PLAC1: variants seen among roughly 807,000 people sequenced by gnomAD.
PLAC1 encodes the protein placenta-specific protein 1.
For synonymous variants in PLAC1, 68 were observed against 62.1 expected (o/e 1.09, Z -0.44); for missense variants, 136 against 163.2 (o/e 0.83, Z 0.91).
chrX:134,587,020 T>C (rs553402817), intron 2 of PLAC1, among the ~76,000 whole-genome samples: 1 of 110,734 alleles, frequency 9.0e-6, no homozygotes, highest in African/African-American at 3.3e-5. Context: ...TATGGAGTAC[T>C]AACAACATGC....
At position 134,697,937 on chromosome X, in the gene PLAC1, A is replaced by G. The variant is rs934666399; in HGVS notation, n.174+35498T>C. Among the ~76,000 whole-genome samples the G allele has an allele frequency of 3.6e-5, 4 of 111,882 alleles. No homozygotes were observed. In the Admixed American group the frequency reaches 3.8e-4, roughly 11 times the overall value. On this transcript the variant is annotated intron_variant and non_coding_transcript_variant, in intron 2 of 2. Transcript: ENST00000466797. ...TTTACATACATGCTCTGACACATAC[A>G]CACATATAATTTTACACTGATGTCT...
At chrX:134,662,319 C>T (rs974025881), upstream of PLAC1, among the ~76,000 whole-genome samples, 31 of 112,329 alleles carry the variant, frequency 2.8e-4, no homozygotes, top group African/African-American at 8.8e-4. Flanking sequence ...TTGCTATTAT[C>T]CATGCTCTTG....
chrX:134,579,420 T>G lies in PLAC1; in HGVS notation c.-58-12680A>C, dbSNP rs552010164. On this transcript the variant is annotated intron_variant, in intron 2 of 2. Transcript: ENST00000359237. Reference sequence around the variant, plus strand: ...TAATCACCATGAAAGAAAAGGAAAGTCCTGAGGTGGCTTGGCTTCCGGACT... The same window carrying G: ...TAATCACCATGAAAGAAAAGGAAAGGCCTGAGGTGGCTTGGCTTCCGGACT... Among the ~76,000 whole-genome samples the G allele has an allele frequency of 1.9e-4, 21 of 111,703 alleles. No individual in the cohort carries two copies. In the South Asian group the frequency reaches 7.9e-3, roughly 42 times the overall value.
At chrX:134,567,390 G>C (rs2077882224) in intron 2 of PLAC1, among the ~76,000 whole-genome samples, 1 of 112,013 alleles carries the variant, frequency 8.9e-6, no homozygotes, top group African/African-American at 3.2e-5. Flanking sequence ...TACTAAAATT[G>C]TGGAAACATA....
At chrX:134,653,841 T>C (rs1030508843) in intron 1 of PLAC1, among the ~76,000 whole-genome samples, 1 of 112,212 alleles carries the variant, frequency 8.9e-6, no homozygotes, top group Non-Finnish European at 1.9e-5. Flanking sequence ...CTGTGTAGGA[T>C]TTAGCTGCAA....
At chrX:134,670,793 T>C (rs1175677160) in intron 2 of PLAC1, among the ~76,000 whole-genome samples, 2 of 112,266 alleles carry the variant, frequency 1.8e-5, no homozygotes, top group Non-Finnish European at 3.8e-5. Flanking sequence ...TTGCCAATCA[T>C]GACCCATTGC....
intron 1 of PLAC1, among the ~76,000 whole-genome samples, chrX:134,762,821 C>CAAAAAATAAAAAAAAA (rs2078773175): frequency 6.7e-5 from 1 of 14,823 alleles, no homozygotes; most frequent in African/African-American, 1.4e-4. Context: ...GGCTCTATCT[C>CAAAAAATAAAAAAAAA]AAAAAAAAAA....
intron 1 of PLAC1, among the ~76,000 whole-genome samples, chrX:134,633,326 AC>A (rs1242931954): frequency 8.9e-6 from 1 of 112,069 alleles, no homozygotes; most frequent in Non-Finnish European, 1.9e-5. Flanking sequence ...AATTGCTGAT[AC>A]ATTTCGGTCA....
rs777232213 is a variant in PLAC1, at chrX:134,754,934, A to T, written n.89+9300T>A. On this transcript the variant is annotated intron_variant and non_coding_transcript_variant, in intron 1 of 2. Transcript: ENST00000466797. ...TAAATGTTGGAATGACTTTAACAATAAATTATTTTTCAGTTTTCTTATTTT... is the reference window on the plus strand; with the variant it reads ...TAAATGTTGGAATGACTTTAACAATTAATTATTTTTCAGTTTTCTTATTTT... Among the ~76,000 whole-genome samples, 5 of 110,800 alleles carry T rather than the reference A, an allele frequency of 4.5e-5. No homozygotes were observed. The East Asian group carries it at 1.4e-3, about 31-fold the overall frequency.
intron 1 of PLAC1, among the ~76,000 whole-genome samples, chrX:134,603,342 T>C (rs1482832199): frequency 4.4e-5 from 2 of 45,917 alleles, no homozygotes; most frequent in African/African-American, 1.7e-4. Flanking sequence ...TTTTTTTTTT[T>C]TTTTTTCTTT....
At chrX:134,688,812 G>A (rs2078527103) in intron 2 of PLAC1, among the ~76,000 whole-genome samples, 2 of 111,628 alleles carry the variant, frequency 1.8e-5, no homozygotes, top group African/African-American at 3.3e-5. Flanking sequence ...AGAGTTTAAC[G>A]GCCTCTTTCC....
intron 2 of PLAC1, among the ~76,000 whole-genome samples, chrX:134,570,084 C>T (rs984625352): frequency 2.7e-5 from 3 of 111,751 alleles, no homozygotes; most frequent in African/African-American, 9.8e-5. Flanking sequence ...CCTGCCTTGG[C>T]CTCCCAAAGT....
chrX:134,627,419 C>A (rs1162755239), intron 1 of PLAC1, among the ~76,000 whole-genome samples: 1 of 112,222 alleles, frequency 8.9e-6, no homozygotes, highest in Non-Finnish European at 1.9e-5. Context: ...ATGTTTCTTT[C>A]AGGCCAGAAA....
chrX:134,680,366 C>T (rs192680338), intron 2 of PLAC1, among the ~76,000 whole-genome samples: 2 of 111,351 alleles, frequency 1.8e-5, no homozygotes, highest in African/African-American at 6.5e-5. Context: ...CAGAGCACAC[C>T]ATCATAGCTA....
intron 2 of PLAC1, among the ~76,000 whole-genome samples, chrX:134,700,983 A>C (rs1484130965): frequency 1.8e-5 from 2 of 112,166 alleles, no homozygotes; most frequent in Non-Finnish European, 3.8e-5. Context: ...AGCCAAAGCA[A>C]TCCTACACAA....
At chrX:134,571,554 G>C (rs775340580) in intron 2 of PLAC1, among the ~76,000 whole-genome samples, 1 of 111,627 alleles carries the variant, frequency 9.0e-6, no homozygotes, top group Non-Finnish European at 1.9e-5. Context: ...TAAGAGGGTA[G>C]ATTTTAAGTG....
chrX:134,582,052 A>G (rs1177716647), intron 2 of PLAC1, among the ~76,000 whole-genome samples: 1 of 112,462 alleles, frequency 8.9e-6, no homozygotes, highest in East Asian at 2.8e-4. Flanking sequence ...GCATAGAGGT[A>G]GAAGCTGAAA....
At chrX:134,711,579 G>T (rs1241086484) in intron 2 of PLAC1, among the ~76,000 whole-genome samples, 1 of 111,699 alleles carries the variant, frequency 9.0e-6, no homozygotes, top group Non-Finnish European at 1.9e-5. Context: ...TTATTGCTTT[G>T]GGCATGTTCC....
chrX:134,623,736 C>G (rs946934874), intron 1 of PLAC1, among the ~76,000 whole-genome samples: 2 of 111,453 alleles, frequency 1.8e-5, no homozygotes, highest in African/African-American at 6.5e-5. Flanking sequence ...CATGTGCCTG[C>G]ATCTCTTGTC....
Sources: allele counts gnomAD v4.1 joint callset (sites outside exome capture counted in the v4.1 genomes callset), GRCh38; gene constraint gnomAD v4.1.1; transcripts MANE v1.5; gene names NCBI Gene and HGNC (gene_info 2026-07-23, HGNC 2026-07-21).